Variants in MPDZ observed in about 807,000 individuals in gnomAD.
The protein encoded by MPDZ is multiple PDZ domain crumbs cell polarity complex component, also known as multiple PDZ domain protein.
A neutral mutation model predicts 239.1 loss-of-function variants in MPDZ; 234 were observed. The ratio of observed to expected loss-of-function variants is 0.98; its 90% CI spans 0.88 to 1.09. The LOEUF is 1.09. MPDZ is among the 50% of genes least tolerant of loss of function. The pLI is 0.00. For missense variants in MPDZ, 3,175 were observed against 2,510.0 expected, an observed-to-expected ratio of 1.26 and a Z score of -5.66; for synonymous variants, 1,048 against 881.3, an observed-to-expected ratio of 1.19 and a Z score of -3.35.
intron 3 of MPDZ, among the ~76,000 whole-genome samples, chr9:13,233,339 A>T (rs1053305310): frequency 5.3e-5 from 8 of 152,282 alleles, no homozygotes; most frequent in Admixed American, 1.3e-4. Flanking sequence ...CAGAAAATGA[A>T]AAAGAACTAC....
chr9:13,237,849 A>G lies in MPDZ; in HGVS notation c.183+9786T>C, dbSNP rs1479399490. 2.0e-5 allele frequency among the ~76,000 whole-genome samples: 3 copies of G among 152,326 alleles called. No homozygotes were observed. In the South Asian group the frequency reaches 6.2e-4, roughly 32 times the overall value. On this transcript the variant is annotated intron_variant, in intron 3 of 46. Coordinates refer to ENST00000319217, the MANE Select transcript of MPDZ (RefSeq NM_001378778.1). ...TCAGCAAGTATAACTTTTGTATATT[A>G]TATAATGAAATGAGAAATGTGATTT...
Position 13,136,320 on chromosome 9 carries a change from G to GTTTTTTTTT in MPDZ, c.4293-139_4293-138insAAAAAAAAA, listed in dbSNP as rs1444109820. On this transcript the variant is annotated intron_variant, in intron 30 of 46. Coordinates refer to ENST00000319217, the MANE Select transcript of MPDZ (RefSeq NM_001378778.1). ...CTGTGACACTTACAAATTTACAAAC[G>GTTTTTTTTT]TTTTCTTTTTTTTTTTTTTTTTTTT... 422 of 194,556 alleles carry GTTTTTTTTT rather than the reference G, an allele frequency of 2.2e-3. 21 individuals are homozygous for GTTTTTTTTT. The highest frequency in any genetic ancestry group is 2.8e-3 in the African/African-American group (43 of 15,130). 12.1% of individuals were successfully genotyped at this position (194,556 alleles called of 1,614,324 possible). A position where few individuals can be genotyped will look rare whatever the true frequency, so the allele number is the denominator to read the frequency against.
intron 22 of MPDZ, chr9:13,165,522 T>C: frequency 7.5e-7 from 1 of 1,337,092 alleles, no homozygotes; most frequent in Non-Finnish European, 1.0e-6. Context: ...GTGCTCCTGG[T>C]TGTTTTTTTT....
chr9:13,238,463 T>C (rs908335740), intron 3 of MPDZ, among the ~76,000 whole-genome samples: 1 of 152,190 alleles, frequency 6.6e-6, no homozygotes, highest in African/African-American at 2.4e-5. Context: ...TGCAGTCGGC[T>C]GCCTTGCCCC....
chr9:13,123,041 T>A, intron 36 of MPDZ, 112 bp downstream of exon 36: 1 of 1,132,244 alleles, frequency 8.8e-7, no homozygotes, highest in African/African-American at 1.6e-5. Flanking sequence ...AAATACAGGT[T>A]TTTTCGGCCT....
chr9:13,199,594 A>G (rs1564013369), intron 12 of MPDZ, among the ~76,000 whole-genome samples: 4 of 151,946 alleles, frequency 2.6e-5, no homozygotes, highest in Admixed American at 2.6e-4. Flanking sequence ...CTTAGAGAAA[A>G]GTCTTTGGAC....
intron 23 of MPDZ, among the ~76,000 whole-genome samples, chr9:13,160,864 AT>A (rs1563931139): frequency 7.8e-5 from 10 of 127,704 alleles, no homozygotes; most frequent in African/African-American, 2.3e-4. Context: ...ATATATATAT[AT>A]ATATAAAACA....
At position 13,217,346 on chromosome 9, in the gene MPDZ, A is replaced by C. The variant is rs533154877; in HGVS notation, c.1087-52T>G. On this transcript the variant is annotated intron_variant, in intron 8 of 46. Transcript: ENST00000319217. ...TGAAATAATACGTAAAAAAAACAAAAAACAAAAAACAAACAAACAAACAAA... is the reference window on the plus strand; with the variant it reads ...TGAAATAATACGTAAAAAAAACAAACAACAAAAAACAAACAAACAAACAAA... 104 of 1,148,258 alleles carry C rather than the reference A, an allele frequency of 9.1e-5. No homozygotes were observed. The Middle Eastern group carries it at 2.0e-3, about 22-fold the overall frequency. The allele number at this position is 1,148,258 out of a possible 1,614,324, so 71.1% of individuals were successfully genotyped here.
intron 3 of MPDZ, among the ~76,000 whole-genome samples, chr9:13,232,775 A>T (rs1962867778): frequency 6.6e-6 from 1 of 151,668 alleles, no homozygotes; most frequent in Admixed American, 6.6e-5. Context: ...TACAATACAA[A>T]TATCCAGCAA....
At chr9:13,191,990 G>C (rs1381255750) in intron 15 of MPDZ, 141 bp downstream of exon 15, 1 of 686,370 alleles carries the variant, frequency 1.5e-6, no homozygotes, top group African/African-American at 1.9e-5. Flanking sequence ...ACCCAGATTT[G>C]TCTGACTTTA....
intron 12 of MPDZ, among the ~76,000 whole-genome samples, chr9:13,201,146 T>C (rs908371198): frequency 3.3e-5 from 5 of 152,088 alleles, no homozygotes; most frequent in African/African-American, 1.2e-4. Flanking sequence ...GACCTACTGA[T>C]GCTTTTCTCA....
chr9:13,261,101 T>A (rs995909808), intron 1 of MPDZ, among the ~76,000 whole-genome samples: 1 of 152,058 alleles, frequency 6.6e-6, no homozygotes, highest in African/African-American at 2.4e-5. Flanking sequence ...AGAGAATAAG[T>A]CAATTAATGG....
intron 15 of MPDZ, 44 bp from the exon 16 acceptor site, chr9:13,190,343 G>A (rs1416005002): frequency 7.0e-7 from 1 of 1,436,968 alleles, no homozygotes; most frequent in East Asian, 2.4e-5. Flanking sequence ...CATTGCATTA[G>A]CTGACACACA....
At chr9:13,179,194 C>T (rs1410096442) in intron 19 of MPDZ, among the ~76,000 whole-genome samples, 1 of 152,084 alleles carries the variant, frequency 6.6e-6, no homozygotes, top group Non-Finnish European at 1.5e-5. Context: ...AGGTATCATC[C>T]TCCACAAGCC....
intron 10 of MPDZ, among the ~76,000 whole-genome samples, chr9:13,211,823 T>C (rs1398788850): frequency 6.6e-6 from 1 of 152,114 alleles, no homozygotes; most frequent in African/African-American, 2.4e-5. Flanking sequence ...TATAAATACA[T>C]AGAATTTTTC....
At chr9:13,110,137 A>C (rs1942198877) in intron 44 of MPDZ, 73 bp from the exon 45 acceptor site, 1 of 976,896 alleles carries the variant, frequency 1.0e-6, no homozygotes, top group African/African-American at 1.7e-5. Context: ...TTCTTCAGAA[A>C]GAGCACTTGG....
chr9:13,113,172 G>T, intron 41 of MPDZ, 118 bp from the exon 42 acceptor site: 3 of 820,938 alleles, frequency 3.7e-6, no homozygotes, highest in Non-Finnish European at 5.7e-6. Context: ...TTTTTAAGGG[G>T]GTGCTCAAAG....
At position 13,225,948 on chromosome 9, in the gene MPDZ, T is replaced by C. The variant is rs762949265; in HGVS notation, c.184-1365A>G. On this transcript the variant is annotated intron_variant, in intron 3 of 46. Transcript: ENST00000319217. ...TCTTGACTGCATCCTTTCCCTACCATAGATCATAACCATGAGTTTAACAGA... is the reference window on the plus strand; with the variant it reads ...TCTTGACTGCATCCTTTCCCTACCACAGATCATAACCATGAGTTTAACAGA... 6.6e-5 allele frequency among the ~76,000 whole-genome samples: 10 copies of C among 152,166 alleles called. No homozygotes were observed. The East Asian group carries it at 1.7e-3, about 27-fold the overall frequency.
chr9:13,188,386 T>C (rs1954426664), intron 17 of MPDZ, among the ~76,000 whole-genome samples: 1 of 151,946 alleles, frequency 6.6e-6, no homozygotes, highest in Admixed American at 6.6e-5. Flanking sequence ...GGCATGGTCG[T>C]GGCTGTAGTC....
Sources: allele counts gnomAD v4.1 joint callset (sites outside exome capture counted in the v4.1 genomes callset), GRCh38; gene constraint gnomAD v4.1.1; transcripts MANE v1.5; gene names NCBI Gene and HGNC (gene_info 2026-07-23, HGNC 2026-07-21).